BEST3: variants seen among roughly 807,000 people sequenced by gnomAD.
BEST3 encodes the protein bestrophin-3.
Under a neutral mutation model 47.1 loss-of-function variants are expected in BEST3, and 50 were observed. The observed-to-expected ratio is 1.06, with a 90% CI of 0.85 to 1.34. BEST3 has a LOEUF of 1.34. Among genes scored for constraint, BEST3 ranks in the 40% most tolerant of loss-of-function variants. The pLI, the probability that BEST3 is intolerant of heterozygous loss-of-function variation, is 0.00. For missense variants in BEST3, 765 were observed against 817.0 expected, an observed-to-expected ratio of 0.94 and a Z score of 0.78; for synonymous variants, 282 against 298.8, an observed-to-expected ratio of 0.94 and a Z score of 0.58.
chr12:69,653,434 G>C, downstream of BEST3, among the ~76,000 whole-genome samples: 1 of 152,176 alleles, frequency 6.6e-6, no homozygotes, highest in Non-Finnish European at 1.5e-5. Context: ...GTGGGCTCTT[G>C]AGTCAGATAA....
At chr12:69,672,394 G>A (rs1486281151) in intron 8 of BEST3, among the ~76,000 whole-genome samples, 1 of 152,224 alleles carries the variant, frequency 6.6e-6, no homozygotes, top group Admixed American at 6.5e-5. Flanking sequence ...AAGTGCCCTG[G>A]GGCCCATTTA....
intron 4 of BEST3, among the ~76,000 whole-genome samples, chr12:69,686,786 A>AAAAAAAAG (rs371159662): frequency 0.082 from 11,785 of 143,256 alleles, 1,751 homozygotes; most frequent in African/African-American, 0.29. Flanking sequence ...AAACAAAAAA[A>AAAAAAAAG]AAAGAAAGAA....
At chr12:69,675,220 A>G (rs1884834881) in intron 7 of BEST3, among the ~76,000 whole-genome samples, 1 of 152,154 alleles carries the variant, frequency 6.6e-6, no homozygotes, top group South Asian at 2.1e-4. Flanking sequence ...CCTGGGCTCA[A>G]GTGACCCTTC....
intron 9 of BEST3, among the ~76,000 whole-genome samples, chr12:69,667,006 G>T (rs7310083): frequency 0.11 from 16,129 of 152,104 alleles, 1,256 homozygotes; most frequent in African/African-American, 0.22. Flanking sequence ...TCAGCTATCT[G>T]TCTTTCAGCC....
At chr12:69,680,433 C>G (rs544176410) in intron 4 of BEST3, among the ~76,000 whole-genome samples, 3 of 151,174 alleles carry the variant, frequency 2.0e-5, no homozygotes, top group Non-Finnish European at 4.4e-5. Context: ...CTCAGCCTCC[C>G]GAGCAGCTGG....
chr12:69,657,532 C>T (rs1826860568), intron 9 of BEST3, among the ~76,000 whole-genome samples: 1 of 152,182 alleles, frequency 6.6e-6, no homozygotes, highest in Non-Finnish European at 1.5e-5. Flanking sequence ...GAATTACAGC[C>T]TTAATGGGGT....
chr12:69,676,089 G>T (rs1048024207), intron 7 of BEST3, among the ~76,000 whole-genome samples: 1 of 152,200 alleles, frequency 6.6e-6, no homozygotes, highest in Admixed American at 6.5e-5. Context: ...ATTTGAGGAG[G>T]TGGTGGTGAA....
intron 9 of BEST3, chr12:69,669,974 T>A (rs965217848): frequency 1.3e-5 from 2 of 155,516 alleles, no homozygotes; most frequent in African/African-American, 4.8e-5. Context: ...AATAGAGTTA[T>A]CACAATGATG....
At chr12:69,670,530 G>T in intron 9 of BEST3, 1 of 702,876 alleles carries the variant, frequency 1.4e-6, no homozygotes, top group South Asian at 1.5e-5. Context: ...CATCACTGAT[G>T]GGGATTAGGA....
At chr12:69,648,537 A>G (rs915786416) in intron 9 of BEST3, among the ~76,000 whole-genome samples, 3 of 152,210 alleles carry the variant, frequency 2.0e-5, no homozygotes, top group African/African-American at 7.2e-5. Flanking sequence ...AGGGGCAAAC[A>G]TGAATGAACT....
intron 9 of BEST3, among the ~76,000 whole-genome samples, chr12:69,663,046 A>G (rs905528469): frequency 6.6e-6 from 1 of 152,126 alleles, no homozygotes; most frequent in African/African-American, 2.4e-5. Flanking sequence ...TATCTTCTTT[A>G]CTGTTGGGTG....
At chr12:69,679,131 TAGAGG>T (rs1885091637) in intron 4 of BEST3, among the ~76,000 whole-genome samples, 1 of 152,178 alleles carries the variant, frequency 6.6e-6, no homozygotes, top group Non-Finnish European at 1.5e-5. Flanking sequence ...AAATCCCTGA[TAGAGG>T]AGGCCATTAG....
chr12:69,671,225 C>A (rs1884548412), intron 9 of BEST3, among the ~76,000 whole-genome samples: 1 of 152,140 alleles, frequency 6.6e-6, no homozygotes, highest in Admixed American at 6.5e-5. Flanking sequence ...AGTGCAATGG[C>A]ACAATCACAG....
At chr12:69,692,951 C>T (rs1167732542) in intron 4 of BEST3, among the ~76,000 whole-genome samples, 3 of 152,140 alleles carry the variant, frequency 2.0e-5, no homozygotes, top group African/African-American at 4.8e-5. Flanking sequence ...TTAGTAGAGA[C>T]AGGGTTTCAC....
At chr12:69,648,270 G>A (rs1438208973) in intron 9 of BEST3, among the ~76,000 whole-genome samples, 2 of 152,182 alleles carry the variant, frequency 1.3e-5, no homozygotes, top group Non-Finnish European at 2.9e-5. Context: ...CAGTATGTAA[G>A]TGAGATATGA....
intron 9 of BEST3, among the ~76,000 whole-genome samples, chr12:69,646,937 A>T (rs1883056510): frequency 7.4e-6 from 1 of 135,098 alleles, no homozygotes. Context: ...TTCCTTGGGG[A>T]ATAAAAAAAA....
At chr12:69,653,458 G>C (rs1266596762), downstream of BEST3, among the ~76,000 whole-genome samples, 1 of 152,188 alleles carries the variant, frequency 6.6e-6, no homozygotes, top group Non-Finnish European at 1.5e-5. Context: ...TGGGTTTGAA[G>C]ATGAACACTG....
rs1171934394 is a variant in BEST3, at chr12:69,655,395, C to T, written c.1519G>A (p.Ala507Thr). 1 of 1,614,156 alleles carries T rather than the reference C, an allele frequency of 6.2e-7. No homozygotes were observed. The highest frequency in any genetic ancestry group is 8.5e-7 in the Non-Finnish European group (1 of 1,180,026). Residue 507 changes from alanine to threonine, a missense_variant, in exon 10 of 10, where the codon GCA becomes ACA. Transcript: ENST00000330891. ...MPLVPEVLIT[A>T]AEAPVPTSGG... ...GATGTGGGCACTGGTGCTTCGGCTGCTGTGATCAATACCTCAGGTACCAGT... is the reference window on the plus strand; with the variant it reads ...GATGTGGGCACTGGTGCTTCGGCTGTTGTGATCAATACCTCAGGTACCAGT...
chr12:69,696,243 T>C (rs2136051532), intron 2 of BEST3, among the ~76,000 whole-genome samples: 1 of 152,296 alleles, frequency 6.6e-6, no homozygotes, highest in Middle Eastern at 3.4e-3. Flanking sequence ...TTGTTATAAA[T>C]GTAAGCCCTC....
Sources: allele counts gnomAD v4.1 joint callset (sites outside exome capture counted in the v4.1 genomes callset), GRCh38; gene constraint gnomAD v4.1.1; transcripts MANE v1.5; gene names NCBI Gene and HGNC (gene_info 2026-07-23, HGNC 2026-07-21).